NEK10: variants seen among roughly 807,000 people sequenced by gnomAD.
NEK10 encodes NIMA related kinase 10, also known as serine/threonine-protein kinase Nek10.
In NEK10, 122 loss-of-function variants were observed where a neutral mutation model predicts 159.8. That is an observed-to-expected ratio of 0.76 (90% CI 0.66 to 0.89). The LOEUF (loss-of-function observed/expected upper bound fraction) is 0.89, where lower values mean the gene tolerates loss of function less well. Ranked by LOEUF, NEK10 falls within the 40% of genes least tolerant of loss-of-function variation. The pLI, the probability that NEK10 is intolerant of heterozygous loss-of-function variation, is 0.00. For synonymous variants in NEK10, 466 were observed against 457.1 expected (o/e 1.02, Z -0.25); for missense variants, 1,342 against 1,323.1 (o/e 1.01, Z -0.22).
At chr3:27,335,493 A>G (rs549939715) in intron 5 of NEK10, among the ~76,000 whole-genome samples, 1 of 152,196 alleles carries the variant, frequency 6.6e-6, no homozygotes, top group Non-Finnish European at 1.5e-5. Context: ...TAAACTGGAC[A>G]TTAGACCAAA....
chr3:27,287,166 G>A (rs933705942), intron 20 of NEK10, among the ~76,000 whole-genome samples: 2 of 149,800 alleles, frequency 1.3e-5, no homozygotes, highest in African/African-American at 4.9e-5. Flanking sequence ...GAGTGGCTGA[G>A]TTTAGCTTTA....
intron 23 of NEK10, among the ~76,000 whole-genome samples, chr3:27,228,253 C>A (rs545106317): frequency 1.1e-4 from 16 of 152,202 alleles, no homozygotes; most frequent in African/African-American, 3.9e-4. Flanking sequence ...GATATTAAAC[C>A]AACCTCCACT....
intron 5 of NEK10, among the ~76,000 whole-genome samples, chr3:27,339,064 A>G (rs920420524): frequency 7.8e-4 from 119 of 152,308 alleles, no homozygotes; most frequent in African/African-American, 2.3e-3. Flanking sequence ...TAATATCCAA[A>G]ATATACAAGG....
intron 31 of NEK10, among the ~76,000 whole-genome samples, chr3:27,136,352 T>A (rs1943216296): frequency 6.6e-6 from 1 of 152,008 alleles, no homozygotes; most frequent in African/African-American, 2.4e-5. Context: ...GACCTTGTGA[T>A]CCACCTGTCT....
chr3:27,234,176 C>T (rs1043614417), intron 23 of NEK10, among the ~76,000 whole-genome samples: 1 of 152,022 alleles, frequency 6.6e-6, no homozygotes, highest in Non-Finnish European at 1.5e-5. Flanking sequence ...ACTAAATGGG[C>T]AAAACCTGGA....
chr3:27,365,610 G>GTTTTTTTTTTTTTTTTTTTTT (rs71091129), intron 1 of NEK10, among the ~76,000 whole-genome samples: 1 of 99,122 alleles, frequency 1.0e-5, no homozygotes, highest in Non-Finnish European at 1.9e-5. Flanking sequence ...TTTTTTTTGT[G>GTTTTTTTTTTTTTTTTTTTTT]TTTTTTTTTT....
chr3:27,301,781 A>T lies in NEK10; in HGVS notation c.1083T>A (p.Asn361Lys). 2 of 1,559,952 alleles carry T rather than the reference A, an allele frequency of 1.3e-6. No homozygotes were observed. The highest frequency in any genetic ancestry group is 1.7e-6 in the Non-Finnish European group (2 of 1,150,854). The change falls in exon 13 of 36, where the codon AAT (asparagine) becomes AAA (lysine). Residue 361 changes from asparagine (N) to lysine (K), a missense_variant. Asn to Lys is a moderately conservative substitution (Grantham distance 94). Coordinates refer to ENST00000691995, the MANE Select transcript of NEK10 (RefSeq NM_001394966.1). The stretch of plus-strand genomic sequence containing the variant: ...GAAGCTGCTGGATTCGGCCTGCAGC[A>T]TTTGCACTGGACAGGCTTCCAATGG... ...HSSIGSLSSA[N>K]AAGRIQQLHL... is the part of the protein sequence containing the mutation.
intron 23 of NEK10, among the ~76,000 whole-genome samples, chr3:27,208,326 T>C (rs1260726066): frequency 6.6e-6 from 1 of 152,188 alleles, no homozygotes; most frequent in African/African-American, 2.4e-5. Context: ...ATCATGAATG[T>C]AGAGAGATCC....
At chr3:27,154,207 T>C (rs1945173756) in intron 30 of NEK10, among the ~76,000 whole-genome samples, 2 of 152,174 alleles carry the variant, frequency 1.3e-5, no homozygotes, top group South Asian at 4.1e-4. Flanking sequence ...CTAGAAGAGA[T>C]GGATAAATTC....
chr3:27,185,723 GGC>G (rs1948554342), intron 26 of NEK10, among the ~76,000 whole-genome samples: 1 of 152,134 alleles, frequency 6.6e-6, no homozygotes, highest in Non-Finnish European at 1.5e-5. Flanking sequence ...CAGCATCCCT[GGC>G]TGCTAACAGT....
At chr3:27,262,816 C>A (rs764597173) in intron 22 of NEK10, among the ~76,000 whole-genome samples, 1 of 152,134 alleles carries the variant, frequency 6.6e-6, no homozygotes, top group Non-Finnish European at 1.5e-5. Context: ...TCGTCTGAAG[C>A]CTTCTTCTCT....
chr3:27,125,853 G>T (rs112860852), intron 32 of NEK10, among the ~76,000 whole-genome samples: 1 of 152,046 alleles, frequency 6.6e-6, no homozygotes, highest in East Asian at 1.9e-4. Flanking sequence ...CTAAAAGAAG[G>T]CTGAAAAACC....
chr3:27,130,111 A>G lies in NEK10; in HGVS notation c.3081+1769T>C, dbSNP rs192573164. On this transcript the variant is annotated intron_variant, in intron 32 of 35. Transcript: ENST00000691995. ...CACACTTCTGTTGATCATGAGCCCTAAAGCAATATATAGGGCCTTTCCCTA... is the reference window on the plus strand; with the variant it reads ...CACACTTCTGTTGATCATGAGCCCTGAAGCAATATATAGGGCCTTTCCCTA... Among the ~76,000 whole-genome samples, 313 of 152,280 alleles carry G rather than the reference A, an allele frequency of 2.1e-3. 1 individual carries two copies. Among genetic ancestry groups the G allele is most frequent in the Admixed American group, 8.3e-3 (127 of 15,294 alleles).
At chr3:27,140,721 C>A (rs143883186) in intron 31 of NEK10, among the ~76,000 whole-genome samples, 1 of 152,208 alleles carries the variant, frequency 6.6e-6, no homozygotes, top group African/African-American at 2.4e-5. Context: ...TAGAGCAAGG[C>A]AATGTTTATG....
chr3:27,191,615 A>T (rs1949128335), intron 26 of NEK10, among the ~76,000 whole-genome samples: 1 of 152,246 alleles, frequency 6.6e-6, no homozygotes, highest in Admixed American at 6.5e-5. Flanking sequence ...AATGAAAGAG[A>T]TTGCAAAGTA....
intron 25 of NEK10, 51 bp from the exon 26 acceptor site, chr3:27,192,293 C>T: frequency 7.2e-7 from 1 of 1,388,680 alleles, no homozygotes; most frequent in Non-Finnish European, 1.0e-6. Flanking sequence ...TGGGAGCAGG[C>T]CACAGAGTGT....
chr3:27,303,349 T>C (rs527372634), intron 12 of NEK10, among the ~76,000 whole-genome samples: 1 of 152,160 alleles, frequency 6.6e-6, no homozygotes, highest in Non-Finnish European at 1.5e-5. Flanking sequence ...ATTACAGAAT[T>C]TCATTTTATC....
Position 27,298,744 on chromosome 3 carries a change from A to G in NEK10, c.1169-1504T>C, listed in dbSNP as rs1375324116. On this transcript the variant is annotated intron_variant, in intron 13 of 35. Transcript: ENST00000691995. ...CAGGCCGAGGTGGTCTCAGATGGAG[A>G]TGAGGAAATTGTTGGTAACTGGAGC... 5.9e-5 allele frequency among the ~76,000 whole-genome samples: 9 copies of G among 152,278 alleles called. No individual in the cohort carries two copies. In the East Asian group the frequency reaches 1.7e-3, roughly 29 times the overall value.
chr3:27,319,512 A>G (rs957197871), intron 6 of NEK10, among the ~76,000 whole-genome samples: 2 of 152,222 alleles, frequency 1.3e-5, no homozygotes, highest in Non-Finnish European at 2.9e-5. Flanking sequence ...AACCTTGTAC[A>G]TAGAATTCAA....
Sources: allele counts gnomAD v4.1 joint callset (sites outside exome capture counted in the v4.1 genomes callset), GRCh38; gene constraint gnomAD v4.1.1; transcripts MANE v1.5; gene names NCBI Gene and HGNC (gene_info 2026-07-23, HGNC 2026-07-21).